COL23A1: variants seen among roughly 807,000 people sequenced by gnomAD.
COL23A1 encodes collagen type XXIII alpha 1 chain, also known as collagen alpha-1(XXIII) chain.
COL23A1 carries 97 observed loss-of-function variants against 99.3 expected under a neutral mutation model. That is an observed-to-expected ratio of 0.98 (90% CI 0.83 to 1.16). The LOEUF (loss-of-function observed/expected upper bound fraction) is 1.16. Ranked by LOEUF, COL23A1 falls within the 50% of genes most tolerant of loss-of-function variation. COL23A1 has a pLI of 0.00. For missense variants in COL23A1, 762 were observed against 757.4 expected (o/e 1.01, Z -0.07); for synonymous variants, 320 against 308.2 (o/e 1.04, Z -0.40).
intron 2 of COL23A1, among the ~76,000 whole-genome samples, chr5:178,372,630 T>C (rs867686435): frequency 1.3e-5 from 2 of 152,264 alleles, no homozygotes; most frequent in Middle Eastern, 6.8e-3. Context: ...TGGAGTGCAG[T>C]GGTGAGGTCA....
intron 2 of COL23A1, among the ~76,000 whole-genome samples, chr5:178,332,531 G>A (rs1186217696): frequency 5.9e-5 from 9 of 152,210 alleles, no homozygotes; most frequent in East Asian, 1.9e-4. Flanking sequence ...GGATTCTGCC[G>A]TCTGCAACTA....
intron 2 of COL23A1, among the ~76,000 whole-genome samples, chr5:178,335,159 G>A (rs533394903): frequency 3.3e-4 from 51 of 152,372 alleles, no homozygotes; most frequent in African/African-American, 1.1e-3. Flanking sequence ...CCAAGGAGGC[G>A]TGTTCAGCAG....
At chr5:178,349,522 C>T in intron 2 of COL23A1, among the ~76,000 whole-genome samples, 1 of 35,666 alleles carries the variant, frequency 2.8e-5, no homozygotes, top group South Asian at 1.1e-3. Flanking sequence ...CCACACCTGG[C>T]CCTCCCTAGG....
At chr5:178,299,959 G>C (rs1757942572) in intron 3 of COL23A1, among the ~76,000 whole-genome samples, 1 of 152,074 alleles carries the variant, frequency 6.6e-6, no homozygotes, top group South Asian at 2.1e-4. Flanking sequence ...TCACCATGTT[G>C]ACCAGGTTGG....
chr5:178,313,616 G>A lies in COL23A1; in HGVS notation c.362-6697C>T, dbSNP rs900097067. ...TTCGGAGTCTGTCCCCTGAACATCT[G>A]TGTGTGATTTCCAGTGTGACCATGG... On this transcript the variant is annotated intron_variant, in intron 2 of 28. Transcript: ENST00000390654. The surrounding 1 kb of genome is among the most constrained non-coding windows in gnomAD (Gnocchi z 4.2). 2.0e-5 allele frequency among the ~76,000 whole-genome samples: 3 copies of A among 152,176 alleles called. No homozygotes were observed. The highest frequency in any genetic ancestry group is 7.2e-5 in the African/African-American group (3 of 41,444).
At chr5:178,529,451 C>T (rs1436169509) in intron 2 of COL23A1, among the ~76,000 whole-genome samples, 1 of 151,888 alleles carries the variant, frequency 6.6e-6, no homozygotes, top group African/African-American at 2.4e-5. Context: ...CTGTGTAACA[C>T]TGAGGTGCAG....
chr5:178,545,877 T>C (rs773595012), intron 2 of COL23A1, among the ~76,000 whole-genome samples: 1 of 152,178 alleles, frequency 6.6e-6, no homozygotes, highest in Non-Finnish European at 1.5e-5. Flanking sequence ...CCACATAAAC[T>C]TGCCTCAGTT....
chr5:178,517,573 T>TG (rs1759604050), intron 2 of COL23A1, among the ~76,000 whole-genome samples: 1 of 137,912 alleles, frequency 7.3e-6, no homozygotes, highest in African/African-American at 2.8e-5. Context: ...TTTTTGTTTT[T>TG]TTTTTTGAGA....
chr5:178,268,787 C>G (rs1351223484), intron 6 of COL23A1, 31 bp from the exon 7 acceptor site: 3 of 1,593,998 alleles, frequency 1.9e-6, no homozygotes, highest in African/African-American at 2.7e-5. Context: ...AAGAACAGAC[C>G]TGAGTGAGGG....
intron 2 of COL23A1, among the ~76,000 whole-genome samples, chr5:178,345,519 A>G (rs2127669173): frequency 6.8e-6 from 1 of 146,116 alleles, no homozygotes; most frequent in South Asian, 2.2e-4. Context: ...ATTTGCTGAC[A>G]CCATTTTTTT....
intron 2 of COL23A1, among the ~76,000 whole-genome samples, chr5:178,457,943 T>C (rs1755886614): frequency 6.6e-6 from 1 of 152,248 alleles, no homozygotes; most frequent in Admixed American, 6.5e-5. Context: ...TAATAACTAA[T>C]GAGTTTCAAT....
intron 2 of COL23A1, among the ~76,000 whole-genome samples, chr5:178,452,413 G>T (rs530131228): frequency 6.6e-6 from 1 of 152,246 alleles, no homozygotes; most frequent in Non-Finnish European, 1.5e-5. Context: ...GAAACCAGGA[G>T]AAAAAGCTTT....
At chr5:178,249,070 G>A in intron 19 of COL23A1, 47 bp downstream of exon 19, 1 of 1,586,950 alleles carries the variant, frequency 6.3e-7, no homozygotes, top group Non-Finnish European at 8.6e-7. Flanking sequence ...GTCACCTCAG[G>A]GCTTCCACAC....
At chr5:178,408,620 G>T (rs1053539154) in intron 2 of COL23A1, among the ~76,000 whole-genome samples, 39 of 152,084 alleles carry the variant, frequency 2.6e-4, no homozygotes, top group African/African-American at 9.4e-4. Flanking sequence ...AAAATAGTTT[G>T]GGAGTTTCTT....
chr5:178,244,586 T>C (rs746100875), intron 25 of COL23A1, among the ~76,000 whole-genome samples: 6 of 152,240 alleles, frequency 3.9e-5, no homozygotes, highest in Non-Finnish European at 7.3e-5. Context: ...CCTGGCAGGA[T>C]GCTGGTCTCG....
At chr5:178,356,167 A>G (rs903169943) in intron 2 of COL23A1, among the ~76,000 whole-genome samples, 1 of 152,202 alleles carries the variant, frequency 6.6e-6, no homozygotes, top group African/African-American at 2.4e-5. Flanking sequence ...AGGCAAAGCC[A>G]CAGAGACGGG....
intron 2 of COL23A1, among the ~76,000 whole-genome samples, chr5:178,356,856 C>T (rs1371784699): frequency 6.6e-6 from 1 of 152,104 alleles, no homozygotes; most frequent in African/African-American, 2.4e-5. Context: ...GGTGCTGGTC[C>T]CCACTGCAAC....
At chr5:178,358,487 GTGTGTGTATGCGTGTATA>G (rs1490298231) in intron 2 of COL23A1, among the ~76,000 whole-genome samples, 7 of 141,930 alleles carry the variant, frequency 4.9e-5, no homozygotes, top group African/African-American at 1.8e-4. Context: ...GCGTATATAT[GTGTGTGTATGCGTGTATA>G]TGTGTGTATG....
chr5:178,303,119 A>G (rs1474145215), intron 3 of COL23A1, among the ~76,000 whole-genome samples: 1 of 152,042 alleles, frequency 6.6e-6, no homozygotes, highest in African/African-American at 2.4e-5. Context: ...TTGTGCCTCA[A>G]CCTCTGAGTA....
Sources: gnomAD v4.1 joint callset for allele counts (sites outside exome capture counted in the v4.1 genomes callset) on GRCh38, gnomAD v4.1.1 for gene constraint, Gnocchi (gnomAD v3.1) non-coding constraint, MANE v1.5 for transcripts, NCBI Gene and HGNC (gene_info 2026-07-23, HGNC 2026-07-21) for gene names.